TINAG: variants seen among roughly 807,000 people sequenced by gnomAD.
TINAG encodes tubulointerstitial nephritis antigen.
Under a neutral mutation model 72.7 loss-of-function variants are expected in TINAG, and 83 were observed. The observed-to-expected ratio is 1.14, with a 90% CI of 0.96 to 1.37. The LOEUF (loss-of-function observed/expected upper bound fraction) is 1.37. Among genes scored for constraint, TINAG ranks in the 40% most tolerant of loss-of-function variants. TINAG has a pLI of 0.00. For missense variants in TINAG, 685 were observed against 576.6 expected (o/e 1.19, Z -1.93); for synonymous variants, 234 against 189.9 (o/e 1.23, Z -1.91).
At chr6:54,315,353 G>A (rs1487062943) in intron 1 of TINAG, among the ~76,000 whole-genome samples, 1 of 151,946 alleles carries the variant, frequency 6.6e-6, no homozygotes, top group Non-Finnish European at 1.5e-5. Flanking sequence ...TGCCATATCT[G>A]ATGGTAACTT....
intron 10 of TINAG, among the ~76,000 whole-genome samples, chr6:54,383,588 A>G (rs560888494): frequency 2.0e-5 from 3 of 152,246 alleles, no homozygotes; most frequent in East Asian, 3.9e-4. Context: ...TAGGCATGCT[A>G]TGGTTTGTTT....
intron 10 of TINAG, among the ~76,000 whole-genome samples, chr6:54,381,106 A>G (rs1328133838): frequency 6.7e-6 from 1 of 149,008 alleles, no homozygotes; most frequent in African/African-American, 2.5e-5. Context: ...TAGGATATAT[A>G]TGTATATGTA....
intron 1 of TINAG, among the ~76,000 whole-genome samples, chr6:54,312,705 G>C (rs1309376053): frequency 6.6e-6 from 1 of 152,136 alleles, no homozygotes; most frequent in African/African-American, 2.4e-5. Context: ...ATATGAATCA[G>C]AAATATTTAA....
At chr6:54,362,678 C>A (rs1048350131) in intron 9 of TINAG, among the ~76,000 whole-genome samples, 3 of 151,510 alleles carry the variant, frequency 2.0e-5, no homozygotes, top group African/African-American at 7.3e-5. Flanking sequence ...CTATACCTGC[C>A]ATAGATAATT....
chr6:54,310,759 TTCTC>T (rs200960046), intron 1 of TINAG, among the ~76,000 whole-genome samples: 2 of 148,018 alleles, frequency 1.4e-5, no homozygotes, highest in South Asian at 2.2e-4. Flanking sequence ...TCTTTCTTTT[TTCTC>T]TCTCTTTCTC....
chr6:54,337,748 G>A (rs577680994), intron 4 of TINAG, among the ~76,000 whole-genome samples: 13 of 152,186 alleles, frequency 8.5e-5, no homozygotes, highest in Non-Finnish European at 1.3e-4. Flanking sequence ...CATAAAATTC[G>A]TGTTTAGCTC....
chr6:54,307,914 G>A (rs780163389), upstream of TINAG: 8 of 855,808 alleles, frequency 9.3e-6, no homozygotes, highest in African/African-American at 1.7e-5. Context: ...TCACCCTCAG[G>A]GAATTTCTTG....
chr6:54,386,282 T>C (rs1764098084), intron 10 of TINAG, among the ~76,000 whole-genome samples: 1 of 152,202 alleles, frequency 6.6e-6, no homozygotes, highest in Non-Finnish European at 1.5e-5. Context: ...ATTTAGCAGA[T>C]TGAAACAACA....
At chr6:54,370,366 T>C (rs924016855) in intron 9 of TINAG, among the ~76,000 whole-genome samples, 2 of 152,068 alleles carry the variant, frequency 1.3e-5, no homozygotes, top group African/African-American at 4.8e-5. Context: ...TTGGCTGTTA[T>C]GTTGAATGAC....
At chr6:54,333,156 G>T (rs1784780248) in intron 4 of TINAG, among the ~76,000 whole-genome samples, 1 of 152,098 alleles carries the variant, frequency 6.6e-6, no homozygotes, top group African/African-American at 2.4e-5. Context: ...CTACTATAAA[G>T]ACACATGTAC....
chr6:54,314,550 A>AG (rs535753415), intron 1 of TINAG, among the ~76,000 whole-genome samples: 57 of 152,282 alleles, frequency 3.7e-4, no homozygotes, highest in Non-Finnish European at 7.2e-4. Context: ...ACAAAAAAAA[A>AG]GAGTAGAGAA....
At chr6:54,307,981 T>C, upstream of TINAG, 1 of 1,492,366 alleles carries the variant, frequency 6.7e-7, no homozygotes, top group Non-Finnish European at 9.1e-7. Flanking sequence ...GTAAATGGAG[T>C]ACAGATGGGA....
intron 4 of TINAG, among the ~76,000 whole-genome samples, chr6:54,329,418 A>C (rs1784684558): frequency 6.6e-6 from 1 of 152,216 alleles, no homozygotes; most frequent in Non-Finnish European, 1.5e-5. Flanking sequence ...ACAGACAAGC[A>C]AATGCCCAGG....
At chr6:54,345,810 A>G (rs1436825888) in intron 5 of TINAG, among the ~76,000 whole-genome samples, 1 of 152,142 alleles carries the variant, frequency 6.6e-6, no homozygotes, top group Admixed American at 6.6e-5. Context: ...AAAGCATTGT[A>G]ATATGCTGTA....
chr6:54,311,204 T>A (rs981535639), intron 1 of TINAG, among the ~76,000 whole-genome samples: 4 of 152,162 alleles, frequency 2.6e-5, no homozygotes, highest in Admixed American at 1.3e-4. Context: ...GTTTTAAGAC[T>A]CTCTCCATGT....
At chr6:54,313,278 C>A (rs1174549958) in intron 1 of TINAG, among the ~76,000 whole-genome samples, 1 of 151,858 alleles carries the variant, frequency 6.6e-6, no homozygotes, top group African/African-American at 2.4e-5. Flanking sequence ...CATAAGGAGC[C>A]CTGTGCCCAG....
At chr6:54,317,868 T>C (rs1264630804) in intron 1 of TINAG, among the ~76,000 whole-genome samples, 2 of 152,092 alleles carry the variant, frequency 1.3e-5, no homozygotes, top group Non-Finnish European at 2.9e-5. Context: ...CACTGAAATC[T>C]CTCTTGGCAG....
chr6:54,357,865 T>C (rs1763102433), intron 9 of TINAG, among the ~76,000 whole-genome samples: 1 of 151,916 alleles, frequency 6.6e-6, no homozygotes, highest in Non-Finnish European at 1.5e-5. Flanking sequence ...ATCTTGTTAT[T>C]CTTTGTTCAG....
At chr6:54,374,643 G>C (rs1763727791) in intron 9 of TINAG, among the ~76,000 whole-genome samples, 1 of 151,848 alleles carries the variant, frequency 6.6e-6, no homozygotes, top group Non-Finnish European at 1.5e-5. Flanking sequence ...TTGTGTAATG[G>C]GAACTAAGAC....
Sources: allele counts gnomAD v4.1 joint callset (sites outside exome capture counted in the v4.1 genomes callset), GRCh38; gene constraint gnomAD v4.1.1; transcripts MANE v1.5; gene names NCBI Gene and HGNC (gene_info 2026-07-23, HGNC 2026-07-21).